Variants in LGR4 observed in about 807,000 individuals in gnomAD.
The protein encoded by LGR4 is leucine-rich repeat-containing G protein-coupled receptor 4.
A neutral mutation model predicts 84.8 loss-of-function variants in LGR4; 44 were observed. That is an observed-to-expected ratio of 0.52 (90% CI 0.41 to 0.67). LGR4 has a LOEUF of 0.67. Among genes scored for constraint, LGR4 ranks in the 30% least tolerant of loss-of-function variants. The pLI is 0.00. For missense variants in LGR4, 1,032 were observed against 1,131.4 expected (o/e 0.91, Z 1.26); for synonymous variants, 429 against 434.3 (o/e 0.99, Z 0.15).
In LGR4 at chr11:27,367,898, T is replaced by C. The variant is rs1862798099; in HGVS notation, c.2825A>G (p.Tyr942Cys). The C allele has an allele frequency of 9.4e-6, 15 of 1,602,532 alleles. No individual in the cohort carries two copies. In the East Asian group the frequency reaches 3.3e-4, roughly 36 times the overall value. Residue 942 changes from tyrosine to cysteine, a missense_variant, in exon 18 of 18, where the codon TAT becomes TGT. Transcript: ENST00000379214. ...YQSRGFPLVR[Y>C]AYNLPRVKD ...TTTAACTCTTGGTAGATTGTAAGCATAGCGCACCAAAGGGAATCCTCTACT... is the reference window on the plus strand; with the variant it reads ...TTTAACTCTTGGTAGATTGTAAGCACAGCGCACCAAAGGGAATCCTCTACT...
rs377062692 is a variant in LGR4, at chr11:27,392,483, G to T, written c.293C>A (p.Pro98Gln). 1.3e-6 allele frequency: 2 copies of T among 1,595,310 alleles called. No individual in the cohort carries two copies. The highest frequency in any genetic ancestry group is 1.7e-6 in the Non-Finnish European group (2 of 1,174,074). ...TTCTTTCAACCCAGACAAGGCCTTT[G>T]GGTGGATAAAAGAAAGGTCGTTGCC... The part of the protein sequence containing the change: ...LAGNDLSFIH[P>Q]KALSGLKELK... Residue 98 changes from proline (P) to glutamine (Q), a missense_variant, in exon 3 of 18, where the codon CCA (proline) becomes CAA (glutamine). Pro to Gln is a moderately conservative substitution (Grantham distance 76). Transcript: ENST00000379214.
intron 1 of LGR4, among the ~76,000 whole-genome samples, chr11:27,426,253 G>C (rs949817849): frequency 2.0e-5 from 3 of 152,194 alleles, no homozygotes; most frequent in African/African-American, 7.2e-5. Context: ...TTTCCTCCCT[G>C]TCTATTGCTA....
chr11:27,437,980 C>A (rs148848228), intron 1 of LGR4, among the ~76,000 whole-genome samples: 181 of 152,080 alleles, frequency 1.2e-3, no homozygotes, highest in African/African-American at 4.2e-3. Context: ...CGCTCCAGTG[C>A]ACTCCAGCCT....
At chr11:27,427,508 C>T (rs1359924741) in intron 1 of LGR4, among the ~76,000 whole-genome samples, 52 of 152,088 alleles carry the variant, frequency 3.4e-4, no homozygotes, top group Non-Finnish European at 1.5e-5. Context: ...AACCCAGGCT[C>T]ATATTACAGT....
chr11:27,376,430 A>G (rs1862982816), intron 12 of LGR4, 60 bp from the exon 13 acceptor site: 2 of 849,916 alleles, frequency 2.4e-6, no homozygotes, highest in Non-Finnish European at 3.8e-6. Flanking sequence ...GAACAGGAGG[A>G]GGAGGAAAGA....
At chr11:27,438,867 G>A (rs1279657234) in intron 1 of LGR4, among the ~76,000 whole-genome samples, 2 of 152,020 alleles carry the variant, frequency 1.3e-5, no homozygotes, top group East Asian at 1.9e-4. Context: ...GCCTTCAGTC[G>A]TGGACTGGAA....
intron 4 of LGR4, among the ~76,000 whole-genome samples, chr11:27,386,052 C>A (rs1863181766): frequency 6.6e-6 from 1 of 152,108 alleles, no homozygotes; most frequent in South Asian, 2.1e-4. Flanking sequence ...GCAACTTTTT[C>A]TTCTTCTCTT....
intron 1 of LGR4, among the ~76,000 whole-genome samples, chr11:27,462,673 A>G (rs1864703463): frequency 6.6e-6 from 1 of 152,098 alleles, no homozygotes; most frequent in Admixed American, 6.6e-5. Context: ...TCCCACAAGA[A>G]ATGACAAATT....
intron 2 of LGR4, 72 bp from the exon 3 acceptor site, chr11:27,392,590 A>G (rs1863306413): frequency 1.6e-6 from 2 of 1,280,466 alleles, no homozygotes; most frequent in Admixed American, 5.3e-5. Context: ...ACTTACAAAA[A>G]CCTAATCTGT....
At chr11:27,412,052 G>A (rs1315836119) in intron 2 of LGR4, among the ~76,000 whole-genome samples, 6 of 151,904 alleles carry the variant, frequency 3.9e-5, no homozygotes, top group South Asian at 2.1e-4. Context: ...AATTCAAGTC[G>A]ATTTTATTTT....
intron 2 of LGR4, among the ~76,000 whole-genome samples, chr11:27,406,502 G>A (rs1227809401): frequency 2.0e-5 from 3 of 152,080 alleles, no homozygotes; most frequent in African/African-American, 7.2e-5. Context: ...AGCTCACAGA[G>A]TTTTATGAGT....
At position 27,426,593 on chromosome 11, in the gene LGR4, G is replaced by A. The variant is rs183242165; in HGVS notation, c.186-13733C>T. Among the ~76,000 whole-genome samples, 133 of 152,264 alleles carry A rather than the reference G, an allele frequency of 8.7e-4. 2 individuals carry two copies. Among genetic ancestry groups the A allele is most frequent in the Middle Eastern group, 3.4e-3 (1 of 294 alleles). ...TGCCTCAGTTTCTGCAAGTGTAAAC[G>A]GAGATAACAATTCTGACTTTAGAAC... is the stretch of plus-strand genomic sequence containing the variant. On this transcript the variant is annotated intron_variant, in intron 1 of 17. Coordinates refer to ENST00000379214, the MANE Select transcript of LGR4 (RefSeq NM_018490.5).
intron 2 of LGR4, among the ~76,000 whole-genome samples, chr11:27,409,916 G>A (rs1312131348): frequency 1.3e-5 from 2 of 151,928 alleles, no homozygotes; most frequent in African/African-American, 4.8e-5. Flanking sequence ...CTGCACACAC[G>A]TCTTCACTAT....
At chr11:27,463,284 A>G (rs915144405) in intron 1 of LGR4, among the ~76,000 whole-genome samples, 5 of 152,016 alleles carry the variant, frequency 3.3e-5, no homozygotes, top group African/African-American at 7.2e-5. Flanking sequence ...TGATAGTAAC[A>G]TAAAAAGCTA....
chr11:27,406,709 G>A (rs1863617612), intron 2 of LGR4, among the ~76,000 whole-genome samples: 1 of 152,104 alleles, frequency 6.6e-6, no homozygotes, highest in Admixed American at 6.6e-5. Flanking sequence ...TAAGGGTCGT[G>A]ATCTTTGCTA....
At chr11:27,452,956 C>G (rs1864512730) in intron 1 of LGR4, among the ~76,000 whole-genome samples, 1 of 152,070 alleles carries the variant, frequency 6.6e-6, no homozygotes, top group Non-Finnish European at 1.5e-5. Flanking sequence ...ATTTATTCTG[C>G]CACATTGACT....
intron 6 of LGR4, among the ~76,000 whole-genome samples, chr11:27,382,768 C>T (rs1455463336): frequency 6.6e-6 from 1 of 152,072 alleles, no homozygotes; most frequent in African/African-American, 2.4e-5. Flanking sequence ...CCTGTAATCC[C>T]AGCACTTTGG....
At chr11:27,426,031 A>G (rs958215381) in intron 1 of LGR4, among the ~76,000 whole-genome samples, 2 of 152,180 alleles carry the variant, frequency 1.3e-5, no homozygotes, top group African/African-American at 4.8e-5. Flanking sequence ...ACATTGCATT[A>G]AATGCTTTAC....
chr11:27,368,431 C>A lies in LGR4; in HGVS notation c.2292G>T (p.Ala764=). The change falls in exon 18 of 18, where the codon GCG becomes GCT. Residue 764 remains alanine, a synonymous_variant. Transcript: ENST00000379214. The stretch of plus-strand genomic sequence containing the variant: ...TGATCAATGGTGCAAATGAAAAAAA[C>A]GCCACAGGGCAGAAAAAGATGCAAT... ...FTNCIFFCPV[A]FFSFAPLITA... 1 of 1,614,110 alleles carries A rather than the reference C, an allele frequency of 6.2e-7. No individual in the cohort carries two copies. Among genetic ancestry groups the A allele is most frequent in the African/African-American group, 1.3e-5 (1 of 75,028 alleles).
Sources: gnomAD v4.1 joint callset for allele counts (sites outside exome capture counted in the v4.1 genomes callset) on GRCh38, gnomAD v4.1.1 for gene constraint, MANE v1.5 for transcripts, NCBI Gene and HGNC (gene_info 2026-07-23, HGNC 2026-07-21) for gene names.